SPATS1: variants seen among roughly 807,000 people sequenced by gnomAD.
SPATS1 encodes the protein spermatogenesis associated serine rich 1.
In SPATS1, 23 loss-of-function variants were observed where a neutral mutation model predicts 33.6. The observed-to-expected ratio is 0.68, with a 90% CI of 0.49 to 0.97. The LOEUF (loss-of-function observed/expected upper bound fraction) is 0.97. SPATS1 is among the 50% of genes least tolerant of loss of function. SPATS1 has a pLI of 0.00. For missense variants in SPATS1, 327 were observed against 361.0 expected (o/e 0.91, Z 0.76); for synonymous variants, 131 against 125.6 (o/e 1.04, Z -0.29).
intron 2 of SPATS1, among the ~76,000 whole-genome samples, chr6:44,347,179 A>G (rs186524702): frequency 6.6e-6 from 1 of 152,268 alleles, no homozygotes; most frequent in East Asian, 1.9e-4. Context: ...AACAATGAGA[A>G]CACATGGACA....
At chr6:44,361,591 G>T (rs751678503) in intron 4 of SPATS1, 4 of 949,774 alleles carry the variant, frequency 4.2e-6, no homozygotes, top group Non-Finnish European at 5.0e-6. Context: ...GAAGGAGAGG[G>T]TGAAGAGGGC....
At chr6:44,366,753 T>C (rs2153368914) in intron 5 of SPATS1, among the ~76,000 whole-genome samples, 1 of 152,310 alleles carries the variant, frequency 6.6e-6, no homozygotes, top group African/African-American at 2.4e-5. Flanking sequence ...ATAATTGGGA[T>C]GAGGGGTATT....
intron 7 of SPATS1, among the ~76,000 whole-genome samples, chr6:44,371,956 A>G (rs1270654158): frequency 1.3e-5 from 2 of 150,466 alleles, no homozygotes; most frequent in African/African-American, 4.9e-5. Flanking sequence ...AAAAAAAAAA[A>G]AAAAAAGATT....
intron 3 of SPATS1, among the ~76,000 whole-genome samples, chr6:44,354,334 A>AAAATAAAT (rs747479012): frequency 2.9e-4 from 32 of 110,420 alleles, no homozygotes; most frequent in South Asian, 1.4e-3. Flanking sequence ...AACTTGTGTC[A>AAAATAAAT]AAATAAATAA....
Position 44,343,203 on chromosome 6 carries a change from C to T in SPATS1, c.108C>T (p.Asp36=), listed in dbSNP as rs1211862319. The change falls in exon 2 of 9, where the codon GAC becomes GAT. Residue 36 remains aspartate, a synonymous_variant. Transcript: ENST00000674044. ...TGGAGAAGGTTCCAGAAAAAAGGGA[C>T]TCTGGCATGACCGAGGTGGAGAGGA... ...RQLEKVPEKR[D]SGMTEVERTY... is the part of the protein sequence containing the mutation. 1.2e-6 allele frequency: 2 copies of T among 1,613,998 alleles called. No homozygotes were observed. Among genetic ancestry groups the T allele is most frequent in the Non-Finnish European group, 1.7e-6 (2 of 1,180,012 alleles).
At chr6:44,348,014 G>GT (rs112489598) in intron 2 of SPATS1, among the ~76,000 whole-genome samples, 5,149 of 142,828 alleles carry the variant, frequency 0.036, 228 homozygotes, top group African/African-American at 0.11. Flanking sequence ...TATTATTTTT[G>GT]TTTTTTTTTT....
chr6:44,371,109 C>G (rs1166468686), intron 7 of SPATS1, among the ~76,000 whole-genome samples: 1 of 150,972 alleles, frequency 6.6e-6, no homozygotes, highest in East Asian at 1.9e-4. Context: ...GCATGGGCAA[C>G]ATAGTGAGAC....
At chr6:44,347,790 T>C (rs1787988489) in intron 2 of SPATS1, among the ~76,000 whole-genome samples, 3 of 152,166 alleles carry the variant, frequency 2.0e-5, no homozygotes. Flanking sequence ...TTTATTCTAT[T>C]TATGTTTACT....
rs200397086 is a variant in SPATS1 at position 44,368,411 on chromosome 6, A to G, written c.607A>G (p.Thr203Ala). 144 of 1,613,370 alleles carry G rather than the reference A, an allele frequency of 8.9e-5. No homozygotes were observed. Among genetic ancestry groups the G allele is most frequent in the Non-Finnish European group, 1.2e-4 (136 of 1,179,742 alleles). ...TCCCAGGAATGGAATCCCAAAGTTA[A>G]CTCCAGGCGACAATCCATATATGTA... ...IDPRNGIPKLTPGDNPYMYPE... is the reference protein window; with the variant it reads ...IDPRNGIPKLAPGDNPYMYPE... The change falls in exon 6 of 9, where the codon ACT becomes GCT. Residue 203 changes from threonine to alanine, a missense_variant. By Grantham distance (58) the Thr-to-Ala change is moderately conservative (BLOSUM62 0). Transcript: ENST00000674044.
chr6:44,376,371 GT>G lies in SPATS1; in HGVS notation c.773del (p.Val258GlyfsTer8). 1 of 1,612,608 alleles carries G rather than the reference GT, an allele frequency of 6.2e-7. No homozygotes were observed. The highest frequency in any genetic ancestry group is 8.5e-7 in the Non-Finnish European group (1 of 1,179,470). On this transcript the variant is annotated frameshift_variant, in exon 8 of 9. Transcript: ENST00000674044. LOFTEE classifies it high-confidence loss of function. ...LPQIPNLPFW[V>X]KEKANSLKNE... The stretch of plus-strand genomic sequence containing the variant: ...TTCTTCCCACAGCTTGCCTTTCTGG[GT>G]GAAGGAGAAGGCCAACAGTTTGAAA...
At chr6:44,359,027 C>A (rs1788747741) in intron 3 of SPATS1, among the ~76,000 whole-genome samples, 1 of 152,178 alleles carries the variant, frequency 6.6e-6, no homozygotes, top group Admixed American at 6.5e-5. Context: ...CTGCTCACTG[C>A]AGCCTCCACT....
At chr6:44,351,174 A>C (rs1274561816) in intron 2 of SPATS1, among the ~76,000 whole-genome samples, 2 of 151,938 alleles carry the variant, frequency 1.3e-5, no homozygotes, top group Non-Finnish European at 2.9e-5. Context: ...ACAATATAAC[A>C]ACAAAAATAA....
chr6:44,353,003 C>CTA, intron 3 of SPATS1, 130 bp downstream of exon 3: 2 of 926,384 alleles, frequency 2.2e-6, no homozygotes, highest in Non-Finnish European at 3.2e-6. Context: ...GGGTTCAAAT[C>CTA]CCGGTTCTGC....
chr6:44,357,321 A>G (rs1270015537), intron 3 of SPATS1, among the ~76,000 whole-genome samples: 4 of 152,014 alleles, frequency 2.6e-5, no homozygotes, highest in Admixed American at 6.6e-5. Flanking sequence ...GGCGTCGTCT[A>G]TGCTATTCTC....
At chr6:44,348,914 T>C (rs1255032301) in intron 2 of SPATS1, among the ~76,000 whole-genome samples, 1 of 152,206 alleles carries the variant, frequency 6.6e-6, no homozygotes, top group African/African-American at 2.4e-5. Flanking sequence ...GTGGGTGACC[T>C]GAGGTGTGGC....
chr6:44,360,355 T>C (rs904110032), intron 3 of SPATS1, 91 bp from the exon 4 acceptor site: 1 of 1,539,750 alleles, frequency 6.5e-7, no homozygotes, highest in African/African-American at 1.4e-5. Context: ...CCAGTTCTCA[T>C]AAGCGAGGGC....
chr6:44,363,025 A>G (rs1490787978), intron 5 of SPATS1, among the ~76,000 whole-genome samples: 1 of 151,924 alleles, frequency 6.6e-6, no homozygotes, highest in Non-Finnish European at 1.5e-5. Flanking sequence ...TTTAGTAGAG[A>G]CGGATTTCTC....
chr6:44,349,018 C>G (rs1788071860), intron 2 of SPATS1, among the ~76,000 whole-genome samples: 1 of 152,154 alleles, frequency 6.6e-6, no homozygotes, highest in Non-Finnish European at 1.5e-5. Flanking sequence ...GTAATCCCAG[C>G]TACTCGGGAG....
chr6:44,376,947 AG>A, intron 8 of SPATS1, 87 bp from the exon 9 acceptor site: 3 of 1,495,934 alleles, frequency 2.0e-6, no homozygotes, highest in Non-Finnish European at 9.3e-7. Context: ...CAGATGTCAT[AG>A]CCAAGCATTG....
Sources: allele counts gnomAD v4.1 joint callset (sites outside exome capture counted in the v4.1 genomes callset), GRCh38; gene constraint gnomAD v4.1.1; transcripts MANE v1.5; gene names NCBI Gene and HGNC (gene_info 2026-07-23, HGNC 2026-07-21).